NOX3: variants seen among roughly 807,000 people sequenced by gnomAD.
The protein encoded by NOX3 is NADPH oxidase catalytic subunit-like 3.
A neutral mutation model predicts 76.7 loss-of-function variants in NOX3; 74 were observed. The ratio of observed to expected loss-of-function variants is 0.96; its 90% CI spans 0.80 to 1.17. The LOEUF is 1.17. Among genes scored for constraint, NOX3 ranks in the 50% most tolerant of loss-of-function variants. The pLI is 0.00. For missense variants in NOX3, 695 were observed against 703.3 expected, an observed-to-expected ratio of 0.99 and a Z score of 0.13; for synonymous variants, 263 against 261.1, an observed-to-expected ratio of 1.01 and a Z score of -0.07.
At chr6:155,404,130 T>G (rs546250448) in intron 12 of NOX3, among the ~76,000 whole-genome samples, 2 of 90,624 alleles carry the variant, frequency 2.2e-5, no homozygotes, top group South Asian at 7.1e-4. Flanking sequence ...TATATATATT[T>G]TTTTTTTCCC....
chr6:155,422,583 A>T (rs1582935411), intron 10 of NOX3, 111 bp downstream of exon 10: 2 of 991,408 alleles, frequency 2.0e-6, no homozygotes, highest in Admixed American at 4.7e-5. Context: ...AGGATCCTTG[A>T]GTTTATCCCT....
chr6:155,453,291 G>A lies in NOX3; in HGVS notation c.340+113C>T. On this transcript the variant is annotated intron_variant, in intron 4 of 13. Coordinates refer to ENST00000159060, the MANE Select transcript of NOX3 (RefSeq NM_015718.3). Reference sequence around the variant, plus strand: ...TAAGGTTTACAGGGTCAGATAAAGGGCAAAGTTTTCTTTTACCTGAGGGTG... The same window carrying A: ...TAAGGTTTACAGGGTCAGATAAAGGACAAAGTTTTCTTTTACCTGAGGGTG... 4 of 818,338 alleles carry A rather than the reference G, an allele frequency of 4.9e-6. No individual in the cohort carries two copies. The South Asian group carries it at 5.8e-5, about 12-fold the overall frequency. 50.7% of individuals were successfully genotyped at this position (818,338 alleles called of 1,614,324 possible).
In NOX3 at chr6:155,454,554, A is replaced by T. The variant is rs73792893; in HGVS notation, c.255+257T>A. ...CAGCTATTATAATGCTTCCATCTTC[A>T]TGGGGCAAATATATCAGGAAACTGT... is the stretch of plus-strand genomic sequence containing the variant. On this transcript the variant is annotated intron_variant, in intron 3 of 13. Transcript: ENST00000159060. 6.6e-3 allele frequency among the ~76,000 whole-genome samples: 1,007 copies of T among 152,306 alleles called. 13 individuals are homozygous for T. The highest frequency in any genetic ancestry group is 0.023 in the African/African-American group (974 of 41,574).
Position 155,436,503 on chromosome 6 carries a change from T to C in NOX3, c.713A>G (p.Asn238Ser), listed in dbSNP as rs150291307. The stretch of plus-strand genomic sequence containing the variant: ...ATAGCGGTCTCTACAGAAGGTGATG[T>C]TGTGCAGAGAGAGACTGTCTTGGGT... ...GQTQDSLSLH[N>S]ITFCRDRYAE... Residue 238 changes from asparagine (N) to serine (S), a missense_variant, in exon 7 of 14, where the codon AAC becomes AGC. Asn to Ser is a conservative substitution (Grantham distance 46, BLOSUM62 1). Transcript: ENST00000159060. 85 of 1,614,054 alleles carry C rather than the reference T, an allele frequency of 5.3e-5. No individual in the cohort carries two copies. The highest frequency in any genetic ancestry group is 7.2e-5 in the Non-Finnish European group (85 of 1,180,000).
chr6:155,403,096 T>C (rs1260413220), intron 12 of NOX3, among the ~76,000 whole-genome samples: 1 of 152,242 alleles, frequency 6.6e-6, no homozygotes, highest in Non-Finnish European at 1.5e-5. Context: ...GGATTGTGTG[T>C]TTCATTTACA....
intron 10 of NOX3, 74 bp from the exon 11 acceptor site, chr6:155,411,434 T>A: frequency 7.2e-7 from 1 of 1,392,246 alleles, no homozygotes; most frequent in Non-Finnish European, 9.6e-7. Flanking sequence ...CTACTTTATC[T>A]CCATTAAATT....
At chr6:155,428,297 A>G (rs370567360) in intron 9 of NOX3, among the ~76,000 whole-genome samples, 91 of 152,370 alleles carry the variant, frequency 6.0e-4, no homozygotes, top group African/African-American at 2.0e-3. Flanking sequence ...ATAGGGTTGC[A>G]GACATAATGA....
chr6:155,425,650 T>C (rs1178082076), intron 9 of NOX3, among the ~76,000 whole-genome samples: 3 of 152,228 alleles, frequency 2.0e-5, no homozygotes, highest in African/African-American at 2.4e-5. Flanking sequence ...TGGACTGTTA[T>C]GTGTGATCCT....
intron 4 of NOX3, among the ~76,000 whole-genome samples, chr6:155,452,661 A>G (rs904950756): frequency 3.3e-5 from 5 of 151,706 alleles, no homozygotes; most frequent in African/African-American, 1.2e-4. Flanking sequence ...GCATGAGAGG[A>G]TAAAAACAAA....
chr6:155,434,607 C>T (rs1160420070), intron 7 of NOX3, among the ~76,000 whole-genome samples: 1 of 152,190 alleles, frequency 6.6e-6, no homozygotes, highest in Non-Finnish European at 1.5e-5. Flanking sequence ...GAATGCAGTT[C>T]TTTCTAAATG....
chr6:155,436,022 A>G (rs1776899125), intron 7 of NOX3, among the ~76,000 whole-genome samples: 1 of 152,170 alleles, frequency 6.6e-6, no homozygotes, highest in Non-Finnish European at 1.5e-5. Flanking sequence ...TTGGCTGTTC[A>G]TTGACCTAGG....
intron 8 of NOX3, 53 bp from the exon 9 acceptor site, chr6:155,429,100 C>G: frequency 6.9e-7 from 1 of 1,448,386 alleles, no homozygotes; most frequent in Admixed American, 2.3e-5. Context: ...AATAAAGAAA[C>G]ACCTTTCATT....
chr6:155,419,271 G>A (rs1475734590), intron 10 of NOX3, among the ~76,000 whole-genome samples: 1 of 152,176 alleles, frequency 6.6e-6, no homozygotes, highest in Non-Finnish European at 1.5e-5. Flanking sequence ...TAAGGAATTG[G>A]ATCTGAACTG....
At chr6:155,434,885 A>C (rs1776881200) in intron 7 of NOX3, among the ~76,000 whole-genome samples, 1 of 152,306 alleles carries the variant, frequency 6.6e-6, no homozygotes, top group Non-Finnish European at 1.5e-5. Flanking sequence ...CTGAAGGAGA[A>C]ATGATACATA....
chr6:155,443,399 A>C lies in NOX3; in HGVS notation c.360T>G (p.His120Gln). Residue 120 changes from histidine to glutamine, a missense_variant, in exon 5 of 14, where the codon CAT (histidine) becomes CAG (glutamine). Physicochemically the swap from His to Gln is conservative, Grantham distance 24. Transcript: ENST00000159060. ...AVNATIHIVAHFFNLERYHWS... is the reference protein window; with the variant it reads ...AVNATIHIVAQFFNLERYHWS... ...AGTGGTAGCGTTCCAGGTTGAAGAA[A>C]TGCGCCACGATGTGGATGGCTAGGA... The C allele has an allele frequency of 4.3e-6, 7 of 1,613,918 alleles. No homozygotes were observed. The highest frequency in any genetic ancestry group is 5.9e-6 in the Non-Finnish European group (7 of 1,179,868).
At chr6:155,421,102 C>T (rs546795125) in intron 10 of NOX3, among the ~76,000 whole-genome samples, 10 of 152,046 alleles carry the variant, frequency 6.6e-5, no homozygotes, top group Non-Finnish European at 1.2e-4. Context: ...AGCAGGAATC[C>T]CACCGTCTTC....
chr6:155,396,868 C>T lies in NOX3; in HGVS notation c.1675G>A (p.Val559Ile), dbSNP rs371887718. The T allele has an allele frequency of 5.6e-6, 9 of 1,612,000 alleles. No homozygotes were observed. The highest frequency in any genetic ancestry group is 7.6e-6 in the Non-Finnish European group (9 of 1,178,830). Residue 559 changes from valine to isoleucine, a missense_variant, in exon 13 of 14, where the codon GTT (valine) becomes ATT (isoleucine). Transcript: ENST00000159060. ...HLYSSADPRG[V>I]HFYYNKESF ...CTCTCCTTGTTGTAATAGAAATGAACACCTCTGGGGTCAGCTGATGAATAC... is the reference window on the plus strand; with the variant it reads ...CTCTCCTTGTTGTAATAGAAATGAATACCTCTGGGGTCAGCTGATGAATAC...
At chr6:155,449,498 T>A (rs1315154164) in intron 4 of NOX3, among the ~76,000 whole-genome samples, 1 of 152,080 alleles carries the variant, frequency 6.6e-6, no homozygotes, top group East Asian at 1.9e-4. Flanking sequence ...TGAAAATGAT[T>A]TATTAGTGGT....
At chr6:155,415,494 T>C (rs562873654) in intron 10 of NOX3, among the ~76,000 whole-genome samples, 15 of 152,336 alleles carry the variant, frequency 9.8e-5, no homozygotes, top group Non-Finnish European at 2.1e-4. Flanking sequence ...TATTTACCTA[T>C]GTATTTATTT....
Sources: allele counts gnomAD v4.1 joint callset (sites outside exome capture counted in the v4.1 genomes callset), GRCh38; gene constraint gnomAD v4.1.1; transcripts MANE v1.5; gene names NCBI Gene and HGNC (gene_info 2026-07-23, HGNC 2026-07-21).